TSPAN4: variants seen among roughly 807,000 people sequenced by gnomAD.
TSPAN4 encodes the protein tetraspanin 4.
In TSPAN4, 38 loss-of-function variants were observed where a neutral mutation model predicts 31.5. The ratio of observed to expected loss-of-function variants is 1.21; its 90% CI spans 0.93 to 1.58. The LOEUF is 1.58. Among genes scored for constraint, TSPAN4 ranks in the 40% most tolerant of loss-of-function variants. The pLI, the probability that TSPAN4 is intolerant of heterozygous loss-of-function variation, is 0.00. For missense variants in TSPAN4, 330 were observed against 317.3 expected (o/e 1.04, Z -0.30); for synonymous variants, 186 against 144.6 (o/e 1.29, Z -2.06).
chr11:866,573 G>A lies in TSPAN4; in HGVS notation c.660G>A (p.Leu220=). ...LCTALVQILG[L]TFAMTMYCQV... ...TCCCCTACCTACAGATCCTGGGCCT[G>A]ACCTTCGCCATGACCATGTACTGCC... Residue 220 remains leucine (L), a synonymous_variant, in exon 9 of 9, where the codon CTG becomes CTA. Coordinates refer to ENST00000397397, the MANE Select transcript of TSPAN4 (RefSeq NM_003271.5). 4 of 1,613,436 alleles carry A rather than the reference G, an allele frequency of 2.5e-6. No individual in the cohort carries two copies. Among genetic ancestry groups the A allele is most frequent in the Non-Finnish European group, 3.4e-6 (4 of 1,179,820 alleles).
In TSPAN4 at chr11:862,159, A is replaced by G. The variant is rs114241845; in HGVS notation, c.64-391A>G. On this transcript the variant is annotated intron_variant, in intron 3 of 8. Coordinates refer to ENST00000397397, the MANE Select transcript of TSPAN4 (RefSeq NM_003271.5). Reference sequence around the variant, plus strand: ...GGAGTGGCCTGTCAGGTGGGGAGTGAGCCTTCTGCCCTGCGCAGACCAGAC... The same window carrying G: ...GGAGTGGCCTGTCAGGTGGGGAGTGGGCCTTCTGCCCTGCGCAGACCAGAC... The G allele has an allele frequency of 2.3e-3, 417 of 179,790 alleles. 2 individuals are homozygous for G. Among genetic ancestry groups the G allele is most frequent in the African/African-American group, 9.4e-3 (401 of 42,650 alleles). The allele number at this position is 179,790 out of a possible 1,614,324, so 11.1% of individuals were successfully genotyped here.
chr11:850,850 TTCCGAGG>T (rs1847647464), intron 3 of TSPAN4, among the ~76,000 whole-genome samples: 2 of 152,252 alleles, frequency 1.3e-5, no homozygotes, highest in Non-Finnish European at 2.9e-5. Flanking sequence ...AGGGACTCAC[TTCCGAGG>T]GTTTGAGCCG....
rs774889042 is a variant in TSPAN4, at chr11:865,770, G to A, written c.509G>A (p.Cys170Tyr). 6.2e-7 allele frequency: 1 copy of A among 1,612,784 alleles called. No homozygotes were observed. Among genetic ancestry groups the A allele is most frequent in the African/African-American group, 1.3e-5 (1 of 74,908 alleles). The change falls in exon 7 of 9, where the codon TGC becomes TAC. Residue 170 changes from cysteine (C) to tyrosine (Y), a missense_variant. Transcript: ENST00000397397. Reference protein sequence around the residue: ...YNATRVPDSCCLEFSESCGLH... With the variant: ...YNATRVPDSCYLEFSESCGLH... ...GCCACGCGGGTACCTGACTCCTGCT[G>A]CTTGGAGTTCAGTGAGAGCTGTGGG...
chr11:863,493 T>G (rs773227538), intron 4 of TSPAN4: 4 of 152,264 alleles, frequency 2.6e-5, no homozygotes, highest in Non-Finnish European at 4.4e-5. Flanking sequence ...AAGCCCCAAG[T>G]CTATCAGCCT....
chr11:849,691 G>C (rs1174313543), intron 2 of TSPAN4: 2 of 151,494 alleles, frequency 1.3e-5, no homozygotes, highest in African/African-American at 4.8e-5. Context: ...TGCGTTGCCG[G>C]GGGCTGCGAT....
chr11:866,330 G>C (rs532925769), intron 8 of TSPAN4, among the ~76,000 whole-genome samples: 87 of 152,046 alleles, frequency 5.7e-4, no homozygotes, highest in African/African-American at 1.6e-3. Context: ...CAGCCCTCAG[G>C]AAGTTCTGGG....
At chr11:854,641 C>T (rs1159343110) in intron 3 of TSPAN4, among the ~76,000 whole-genome samples, 1 of 152,224 alleles carries the variant, frequency 6.6e-6, no homozygotes, top group African/African-American at 2.4e-5. Flanking sequence ...GGGGGCCCCT[C>T]AGCCTCACTG....
chr11:862,779 C>CACG, intron 4 of TSPAN4, 38 bp downstream of exon 4: 1 of 1,562,824 alleles, frequency 6.4e-7, no homozygotes, highest in Non-Finnish European at 8.7e-7. Flanking sequence ...CGGGTGGGAC[C>CACG]ACGCAGGGTG....
rs202014188 is a variant in TSPAN4 at position 865,624 on chromosome 11, G to A, written c.432+10G>A. The A allele has an allele frequency of 3.7e-5, 59 of 1,612,802 alleles. No individual in the cohort carries two copies. The highest frequency in any genetic ancestry group is 5.0e-5 in the Non-Finnish European group (59 of 1,179,832). ...CATCATCCAGACCGACGTGAGGCGT[G>A]GGCAGGTGGGCGGGGTCGGCGGGTG... On this transcript the variant is annotated intron_variant, in intron 6 of 8. Coordinates refer to ENST00000397397, the MANE Select transcript of TSPAN4 (RefSeq NM_003271.5).
chr11:849,654 G>A (rs1204832933), intron 2 of TSPAN4, among the ~76,000 whole-genome samples: 3 of 151,840 alleles, frequency 2.0e-5, no homozygotes, highest in Admixed American at 6.6e-5. Context: ...GCGCCGGCGC[G>A]GGCGAAGGGG....
At chr11:847,559 C>T (rs952807570) in intron 2 of TSPAN4, among the ~76,000 whole-genome samples, 17 of 152,232 alleles carry the variant, frequency 1.1e-4, no homozygotes, top group Non-Finnish European at 1.0e-4. Context: ...TCTGGGCAAC[C>T]CAGTGTGAAT....
At chr11:859,113 CGT>C (rs2134038004) in intron 3 of TSPAN4, among the ~76,000 whole-genome samples, 2 of 132,772 alleles carry the variant, frequency 1.5e-5, no homozygotes, top group Non-Finnish European at 1.6e-5. Flanking sequence ...CGGGCTCACA[CGT>C]GCCCTGGCTC....
rs756925486 is a variant in TSPAN4, at chr11:850,352, C to A, written c.48C>A (p.Phe16Leu). The change falls in exon 3 of 9, where the codon TTC (phenylalanine) becomes TTA (leucine). Residue 16 changes from phenylalanine to leucine, a missense_variant. Coordinates refer to ENST00000397397, the MANE Select transcript of TSPAN4 (RefSeq NM_003271.5). ...CCGTCAAGTACCTCATGTTCGCCTT[C>A]AACCTGCTCTTCTGGGTGAGTCCGG... The part of the protein sequence containing the change: ...LQAVKYLMFA[F>L]NLLFWLGGCG... 4 of 1,605,336 alleles carry A rather than the reference C, an allele frequency of 2.5e-6. No individual in the cohort carries two copies. In the Admixed American group the frequency reaches 6.7e-5, roughly 27 times the overall value.
At position 865,714 on chromosome 11, in the gene TSPAN4, C is replaced by T. The variant is rs144709378; in HGVS notation, c.453C>T (p.Ser151=). ...CCCAGTTCCGCTGCTGTGGCGTCTC[C>T]AACTACACTGACTGGTTCGAGGTGT... is the stretch of plus-strand genomic sequence containing the variant. ...IQTDFRCCGV[S]NYTDWFEVYN... The change falls in exon 7 of 9, where the codon TCC becomes TCT. Residue 151 remains serine (S), a synonymous_variant. Transcript: ENST00000397397. 26 of 1,613,306 alleles carry T rather than the reference C, an allele frequency of 1.6e-5. No individual in the cohort carries two copies. The highest frequency in any genetic ancestry group is 1.9e-5 in the Non-Finnish European group (22 of 1,179,972).
intron 3 of TSPAN4, among the ~76,000 whole-genome samples, chr11:855,510 T>C (rs560517254): frequency 5.8e-4 from 88 of 152,302 alleles, no homozygotes; most frequent in African/African-American, 2.0e-3. Context: ...AGGTGCCCAC[T>C]GACGAGGGCT....
At chr11:845,918 C>CT (rs1205944731) in intron 1 of TSPAN4, among the ~76,000 whole-genome samples, 1 of 152,170 alleles carries the variant, frequency 6.6e-6, no homozygotes, top group Admixed American at 6.5e-5. Context: ...ATGTAGCCCC[C>CT]AGTCCCTGCT....
intron 4 of TSPAN4, 99 bp downstream of exon 4, chr11:862,840 G>A: frequency 7.7e-7 from 1 of 1,294,250 alleles, no homozygotes; most frequent in Non-Finnish European, 1.0e-6. Context: ...CCCCAGACGT[G>A]GGCACCACCT....
intron 3 of TSPAN4, among the ~76,000 whole-genome samples, chr11:855,030 A>C (rs1404458990): frequency 6.6e-6 from 1 of 152,162 alleles, no homozygotes; most frequent in Non-Finnish European, 1.5e-5. Context: ...GGGGAGCAGC[A>C]GCGGTCGGTC....
At position 865,585 on chromosome 11, in the gene TSPAN4, A is replaced by C; in HGVS notation, c.403A>C (p.Thr135Pro). The change falls in exon 6 of 9, where the codon ACC becomes CCC. Residue 135 changes from threonine to proline, a missense_variant. Coordinates refer to ENST00000397397, the MANE Select transcript of TSPAN4 (RefSeq NM_003271.5). ...CGGCACGCAGGGCAACGTGGGCCTC[A>C]CCAACGCCTGGAGCATCATCCAGAC... is the stretch of plus-strand genomic sequence containing the variant. ...LYGTQGNVGL[T>P]NAWSIIQTDF... is the part of the protein sequence containing the mutation. 1 of 1,612,844 alleles carries C rather than the reference A, an allele frequency of 6.2e-7. No individual in the cohort carries two copies. The highest frequency in any genetic ancestry group is 8.5e-7 in the Non-Finnish European group (1 of 1,179,886).
Sources: allele counts gnomAD v4.1 joint callset (sites outside exome capture counted in the v4.1 genomes callset), GRCh38; gene constraint gnomAD v4.1.1; transcripts MANE v1.5; gene names NCBI Gene and HGNC (gene_info 2026-07-23, HGNC 2026-07-21).